The following METTL21A variants were observed in gnomAD, a reference collection of about 807,000 sequenced individuals.
METTL21A encodes the protein methyltransferase 21A, HSPA lysine.
A neutral mutation model predicts 20.9 loss-of-function variants in METTL21A; 22 were observed. The observed-to-expected ratio is 1.05, with a 90% CI of 0.75 to 1.50. The LOEUF is 1.50. Ranked by LOEUF, METTL21A falls within the 40% of genes most tolerant of loss-of-function variation. METTL21A has a pLI of 0.00. For synonymous variants in METTL21A, 93 were observed against 102.0 expected (o/e 0.91, Z 0.53); for missense variants, 271 against 266.8 (o/e 1.02, Z -0.11).
At chr2:207,596,790 C>A in intron 3 of METTL21A, 3 of 1,116,062 alleles carry the variant, frequency 2.7e-6, no homozygotes, top group Admixed American at 2.7e-5. Flanking sequence ...TTTTCCAATG[C>A]TTAATATATA....
chr2:207,582,914 A>T (rs573459246), intron 3 of METTL21A: 4 of 271,218 alleles, frequency 1.5e-5, no homozygotes, highest in South Asian at 3.5e-5. Context: ...AACAAACAAA[A>T]AAAAATATAT....
chr2:207,602,922 A>C (rs2087339353), intron 3 of METTL21A: 1 of 216,244 alleles, frequency 4.6e-6, no homozygotes, highest in African/African-American at 2.2e-5. Flanking sequence ...TTTCTAACCC[A>C]GATGTATCAC....
exon 4 of METTL21A, chr2:207,582,040 A>G (rs1438385294): frequency 4.3e-6 from 3 of 699,806 alleles, no homozygotes; most frequent in Non-Finnish European, 5.2e-6. Flanking sequence ...GCACATACAT[A>G]ATTGGCGATA....
chr2:207,614,541 T>C (rs773568549), intron 3 of METTL21A, among the ~76,000 whole-genome samples: 31 of 152,364 alleles, frequency 2.0e-4, no homozygotes, highest in Non-Finnish European at 3.4e-4. Context: ...TAGGCTGTTA[T>C]GAAGCAGCCA....
intron 3 of METTL21A, among the ~76,000 whole-genome samples, chr2:207,583,259 C>A (rs1022660418): frequency 2.6e-5 from 4 of 152,052 alleles, no homozygotes; most frequent in Non-Finnish European, 1.5e-5. Flanking sequence ...ACCAATCCCC[C>A]ACAGATACTG....
chr2:207,594,331 T>C (rs1467198940), intron 3 of METTL21A, among the ~76,000 whole-genome samples: 1 of 152,166 alleles, frequency 6.6e-6, no homozygotes, highest in Non-Finnish European at 1.5e-5. Flanking sequence ...CCAGAACTTG[T>C]TCATCTTGCA....
intron 3 of METTL21A, among the ~76,000 whole-genome samples, chr2:207,615,127 G>A (rs1277314971): frequency 1.3e-5 from 2 of 152,202 alleles, no homozygotes; most frequent in African/African-American, 4.8e-5. Flanking sequence ...GCTAGACAGT[G>A]TGTTGCCCAA....
At chr2:207,585,958 A>G (rs1463793880) in intron 3 of METTL21A, among the ~76,000 whole-genome samples, 2 of 151,726 alleles carry the variant, frequency 1.3e-5, no homozygotes, top group East Asian at 3.8e-4. Context: ...ATTTAACAAA[A>G]TAATCACTGA....
chr2:207,596,673 T>G (rs1391715540), intron 3 of METTL21A, among the ~76,000 whole-genome samples: 1 of 152,292 alleles, frequency 6.6e-6, no homozygotes, highest in South Asian at 2.1e-4. Context: ...CCTCAGGTGA[T>G]CTCCCTGCCT....
chr2:207,588,135 A>ACTC (rs1553507838), intron 3 of METTL21A, among the ~76,000 whole-genome samples: 1 of 9,564 alleles, frequency 1.0e-4, no homozygotes, highest in African/African-American at 1.2e-4. Context: ...TATCACACAG[A>ACTC]CTTCGTTTTC....
At chr2:207,600,238 C>CATATATAT (rs71036937) in intron 3 of METTL21A, 159 of 145,678 alleles carry the variant, frequency 1.1e-3, no homozygotes, top group Middle Eastern at 3.2e-3. Flanking sequence ...TATATGTGTA[C>CATATATAT]ATATATATAT....
chr2:207,581,914 A>G (rs755862387), exon 4 of METTL21A: 13 of 702,818 alleles, frequency 1.8e-5, no homozygotes, highest in Admixed American at 6.0e-5. Flanking sequence ...TTTCTTTTAG[A>G]ATATCCCTCA....
intron 2 of METTL21A, among the ~76,000 whole-genome samples, chr2:207,623,738 A>C (rs1285067870): frequency 6.6e-6 from 1 of 152,186 alleles, no homozygotes; most frequent in Non-Finnish European, 1.5e-5. Flanking sequence ...CTGTAGCCCC[A>C]GTTACTCCAG....
intron 2 of METTL21A, among the ~76,000 whole-genome samples, chr2:207,622,685 G>T (rs1339260780): frequency 6.6e-6 from 1 of 152,218 alleles, no homozygotes; most frequent in African/African-American, 2.4e-5. Context: ...CCCCACAGGG[G>T]CCCTCACCAT....
intron 3 of METTL21A, chr2:207,598,115 T>G (rs2086468842): frequency 5.5e-6 from 1 of 180,842 alleles, no homozygotes; most frequent in South Asian, 2.0e-4. Flanking sequence ...ATACTGATTT[T>G]AAATATTTTC....
intron 3 of METTL21A, chr2:207,597,870 T>A (rs1559085964): frequency 5.3e-6 from 1 of 190,340 alleles, no homozygotes; most frequent in Non-Finnish European, 1.1e-5. Context: ...TAGTACTAAA[T>A]TCTTAGTAAA....
chr2:207,605,826 G>C (rs974079167), downstream of METTL21A, among the ~76,000 whole-genome samples: 1 of 152,184 alleles, frequency 6.6e-6, no homozygotes, highest in Admixed American at 6.5e-5. Flanking sequence ...AGAAGTAAAA[G>C]TTATTTCTGA....
At chr2:207,597,959 A>G (rs2086442194) in intron 3 of METTL21A, 1 of 184,750 alleles carries the variant, frequency 5.4e-6, no homozygotes, top group South Asian at 2.0e-4. Flanking sequence ...CTTCAAAAAT[A>G]TTTATATTGT....
At chr2:207,609,178 TG>T, downstream of METTL21A, 1 of 152,340 alleles carries the variant, frequency 6.6e-6, no homozygotes, top group South Asian at 2.1e-4. Flanking sequence ...AACAACATAT[TG>T]GATATTTTCA....
Sources: gnomAD v4.1 joint callset for allele counts (sites outside exome capture counted in the v4.1 genomes callset) on GRCh38, gnomAD v4.1.1 for gene constraint, MANE v1.5 for transcripts, NCBI Gene and HGNC (gene_info 2026-07-23, HGNC 2026-07-21) for gene names.